ATF2: variants seen among roughly 807,000 people sequenced by gnomAD.
ATF2 encodes the protein cyclic AMP-dependent transcription factor ATF-2.
In ATF2, 24 loss-of-function variants were observed where a neutral mutation model predicts 60.6. The ratio of observed to expected loss-of-function variants is 0.40; its 90% confidence interval spans 0.29 to 0.56. The LOEUF (loss-of-function observed/expected upper bound fraction) is 0.56. Among genes scored for constraint, ATF2 ranks in the 20% least tolerant of loss-of-function variants. The probability of loss-of-function intolerance (pLI) is 0.54; values close to 1 mark genes in which losing one functional copy is unlikely to be tolerated. For missense variants in ATF2, 433 were observed against 607.7 expected, an observed-to-expected ratio of 0.71 and a Z score of 3.02; for synonymous variants, 206 against 215.4, an observed-to-expected ratio of 0.96 and a Z score of 0.38.
At chr2:175,162,899 C>T (rs1369687530) in intron 1 of ATF2, among the ~76,000 whole-genome samples, 4 of 151,928 alleles carry the variant, frequency 2.6e-5, no homozygotes, top group Admixed American at 1.3e-4. Context: ...TTTGGGAGGC[C>T]GAGGTGGGCG....
chr2:175,120,032 G>T (rs181213075), intron 5 of ATF2, among the ~76,000 whole-genome samples: 18 of 151,440 alleles, frequency 1.2e-4, no homozygotes, highest in Admixed American at 1.1e-3. Context: ...CAACATGTTA[G>T]TGAAAAAAAA....
chr2:175,111,922 CAAAGTGATT>C (rs1696221261), intron 9 of ATF2, among the ~76,000 whole-genome samples: 1 of 152,110 alleles, frequency 6.6e-6, no homozygotes, highest in African/African-American at 2.4e-5. Flanking sequence ...TCATAATATT[CAAAGTGATT>C]AATGCAAAAA....
At chr2:175,117,350 T>C (rs1283637773) in intron 7 of ATF2, among the ~76,000 whole-genome samples, 2 of 152,060 alleles carry the variant, frequency 1.3e-5, no homozygotes, top group Admixed American at 1.3e-4. Context: ...GGTTTTAGAA[T>C]AACAATCTAA....
rs1219533715 is a variant in ATF2, at chr2:175,072,789, T to TA, written c.*1819dup. 1.3e-5 allele frequency: 2 copies of TA among 151,982 alleles called. No individual in the cohort carries two copies. The highest frequency in any genetic ancestry group is 2.1e-4 in the South Asian group (1 of 4,830). The allele number at this position is 151,982 out of a possible 1,614,324, so 9.4% of individuals were successfully genotyped here. A position where few individuals can be genotyped will look rare whatever the true frequency, so the allele number is the denominator to read the frequency against. ...TGAAATTAGTTAAAAATTAAAAATT[T>TA]AAAAAAAATTATCAAATAAAAATGC... On this transcript the variant is annotated 3_prime_UTR_variant, in exon 14 of 14. Coordinates refer to ENST00000264110, the MANE Select transcript of ATF2 (RefSeq NM_001880.4).
intron 2 of ATF2, among the ~76,000 whole-genome samples, chr2:175,149,594 G>A (rs1480864360): frequency 1.3e-5 from 2 of 152,144 alleles, no homozygotes; most frequent in Non-Finnish European, 2.9e-5. Flanking sequence ...ACAAGCTACT[G>A]CTAAGTTGAA....
intron 10 of ATF2, among the ~76,000 whole-genome samples, chr2:175,100,075 T>A (rs1695206674): frequency 6.6e-6 from 1 of 152,216 alleles, no homozygotes. Flanking sequence ...TTTCACTGAT[T>A]AGAACATGCA....
At chr2:175,106,596 G>A (rs1695682221) in intron 10 of ATF2, among the ~76,000 whole-genome samples, 2 of 151,798 alleles carry the variant, frequency 1.3e-5, no homozygotes, top group Non-Finnish European at 2.9e-5. Flanking sequence ...AACACTTTGG[G>A]AAGCTGGGGT....
chr2:175,157,883 C>T (rs1699779843), intron 1 of ATF2, among the ~76,000 whole-genome samples: 1 of 151,956 alleles, frequency 6.6e-6, no homozygotes, highest in African/African-American at 2.4e-5. Flanking sequence ...ATCCCAGCTA[C>T]TCAGAAGGCT....
At chr2:175,132,648 T>C (rs1231225911) in intron 3 of ATF2, 2 of 152,222 alleles carry the variant, frequency 1.3e-5, no homozygotes, top group African/African-American at 4.8e-5. Context: ...TAGAAAAATC[T>C]GCATAAGATA....
intron 3 of ATF2, among the ~76,000 whole-genome samples, chr2:175,136,179 A>T (rs1698135223): frequency 6.6e-6 from 1 of 152,150 alleles, no homozygotes; most frequent in Non-Finnish European, 1.5e-5. Flanking sequence ...TTTTAGAGGA[A>T]ATCAAAACCT....
chr2:175,097,297 T>A (rs1694995209), intron 11 of ATF2, 147 bp downstream of exon 11: 1 of 1,111,376 alleles, frequency 9.0e-7, no homozygotes, highest in South Asian at 1.7e-5. Flanking sequence ...AATACTTGTA[T>A]ACTGAGCTAC....
chr2:175,108,870 A>AC (rs1305641849), intron 10 of ATF2, among the ~76,000 whole-genome samples: 3 of 152,160 alleles, frequency 2.0e-5, no homozygotes, highest in Middle Eastern at 3.4e-3. Flanking sequence ...CTATGACCTT[A>AC]CCCCCAATCA....
At chr2:175,084,228 G>C (rs1259765052) in intron 12 of ATF2, among the ~76,000 whole-genome samples, 5 of 151,922 alleles carry the variant, frequency 3.3e-5, no homozygotes, top group South Asian at 4.1e-4. Flanking sequence ...CAATAGCAAA[G>C]ACTTGGAACC....
At position 175,162,756 on chromosome 2, in the gene ATF2, A is replaced by C. The variant is rs558259671; in HGVS notation, c.-143+5294T>G. On this transcript the variant is annotated intron_variant, in intron 1 of 13. Transcript: ENST00000264110. ...ACTGCAATATATATGCACAAACTAG[A>C]AGAAAACAAAAATAATGAACACAAT... Among the ~76,000 whole-genome samples the C allele has an allele frequency of 7.2e-5, 11 of 152,354 alleles. No individual in the cohort carries two copies. In the South Asian group the frequency reaches 2.3e-3, roughly 32 times the overall value.
intron 1 of ATF2, among the ~76,000 whole-genome samples, chr2:175,156,320 G>A (rs906912543): frequency 7.3e-6 from 1 of 137,808 alleles, no homozygotes; most frequent in Non-Finnish European, 1.5e-5. Flanking sequence ...GCAGTGAGCC[G>A]AGATTGCACC....
chr2:175,164,996 G>C (rs1388952914), intron 1 of ATF2, among the ~76,000 whole-genome samples: 1 of 151,896 alleles, frequency 6.6e-6, no homozygotes, highest in Non-Finnish European at 1.5e-5. Context: ...AGCTGGGATT[G>C]CAGGCGCCTA....
chr2:175,156,024 C>G (rs934207131), intron 1 of ATF2, among the ~76,000 whole-genome samples: 3 of 152,004 alleles, frequency 2.0e-5, no homozygotes, highest in African/African-American at 7.2e-5. Context: ...TCCCTGGAAC[C>G]TGTTAATAGG....
intron 12 of ATF2, among the ~76,000 whole-genome samples, 161 bp downstream of exon 12, chr2:175,092,900 C>G (rs1000534147): frequency 1.3e-5 from 2 of 152,078 alleles, no homozygotes; most frequent in African/African-American, 4.8e-5. Context: ...TTCATCTCAG[C>G]ATCCAAACAA....
chr2:175,131,648 T>C (rs935082149), intron 3 of ATF2, among the ~76,000 whole-genome samples: 1 of 152,198 alleles, frequency 6.6e-6, no homozygotes, highest in Non-Finnish European at 1.5e-5. Context: ...CTTAAATGTT[T>C]ACAAACTAAG....
Sources: gnomAD v4.1 joint callset for allele counts (sites outside exome capture counted in the v4.1 genomes callset) on GRCh38, gnomAD v4.1.1 for gene constraint, MANE v1.5 for transcripts, NCBI Gene and HGNC (gene_info 2026-07-23, HGNC 2026-07-21) for gene names.